The following PELI2 variants were observed in gnomAD, a reference collection of about 807,000 sequenced individuals.
PELI2 encodes E3 ubiquitin-protein ligase pellino homolog 2.
In PELI2, 23 loss-of-function variants were observed where a neutral mutation model predicts 42.3. The observed-to-expected ratio is 0.54, with a 90% confidence interval of 0.39 to 0.77. The LOEUF is 0.77. Ranked by LOEUF, PELI2 falls within the 30% of genes least tolerant of loss-of-function variation. PELI2 has a pLI of 0.00. For missense variants in PELI2, 463 were observed against 553.2 expected, an observed-to-expected ratio of 0.84 and a Z score of 1.64; for synonymous variants, 245 against 212.2, an observed-to-expected ratio of 1.15 and a Z score of -1.34.
chr14:56,194,974 G>A lies in PELI2; in HGVS notation c.207+16510G>A, dbSNP rs1181622563. Among the ~76,000 whole-genome samples the A allele has an allele frequency of 4.6e-5, 7 of 152,336 alleles. No individual in the cohort carries two copies. In the South Asian group the frequency reaches 1.5e-3, roughly 32 times the overall value. ...ATTAAAGTATCCTATTATTCACTGT[G>A]TGTAATGATGACCCTAATGAATGTG... On this transcript the variant is annotated intron_variant, in intron 2 of 5. Coordinates refer to ENST00000267460, the MANE Select transcript of PELI2 (RefSeq NM_021255.3).
chr14:56,156,695 A>G (rs529659457), intron 1 of PELI2, among the ~76,000 whole-genome samples: 4 of 152,358 alleles, frequency 2.6e-5, no homozygotes, highest in South Asian at 4.1e-4. Context: ...CACTTGAAGT[A>G]TGGCTAGTAT....
intron 2 of PELI2, among the ~76,000 whole-genome samples, chr14:56,247,650 G>A (rs760958383): frequency 2.6e-5 from 4 of 152,108 alleles, no homozygotes; most frequent in Admixed American, 6.5e-5. Context: ...TGAAAATCAT[G>A]GATTAACACA....
chr14:56,157,425 A>T (rs1317952274), intron 1 of PELI2, among the ~76,000 whole-genome samples: 2 of 152,218 alleles, frequency 1.3e-5, no homozygotes, highest in African/African-American at 2.4e-5. Context: ...GAAAAGTCTT[A>T]TGAAGGGGAT....
In PELI2 at chr14:56,224,745, G is replaced by T. The variant is rs11158083; in HGVS notation, c.207+46281G>T. The stretch of plus-strand genomic sequence containing the variant: ...GGAAATGTTTTGCTACATTTTTGCA[G>T]GGCTTGTTGTATTTTAACAAGGTAA... On this transcript the variant is annotated intron_variant, in intron 2 of 5. Coordinates refer to ENST00000267460, the MANE Select transcript of PELI2 (RefSeq NM_021255.3). Among the ~76,000 whole-genome samples, 7 of 152,040 alleles carry T rather than the reference G, an allele frequency of 4.6e-5. No individual in the cohort carries two copies. In the South Asian group the frequency reaches 6.2e-4, roughly 14 times the overall value.
chr14:56,175,037 C>T (rs893604026), intron 1 of PELI2, among the ~76,000 whole-genome samples: 4 of 152,032 alleles, frequency 2.6e-5, no homozygotes, highest in Non-Finnish European at 4.4e-5. Context: ...GCTTTGTCAC[C>T]CAGGCTGGAG....
chr14:56,119,758 T>G, intron 1 of PELI2: 1 of 979,324 alleles, frequency 1.0e-6, no homozygotes, highest in African/African-American at 1.7e-5. Context: ...GGTTTAGTGT[T>G]GAAGAAAGGA....
chr14:56,259,239 G>A (rs1341541861), intron 2 of PELI2, among the ~76,000 whole-genome samples: 4 of 152,042 alleles, frequency 2.6e-5, no homozygotes, highest in Non-Finnish European at 2.9e-5. Context: ...TCAGGCAGAA[G>A]GAGAAAACAA....
chr14:56,257,009 A>G (rs1888548996), intron 2 of PELI2, among the ~76,000 whole-genome samples: 1 of 152,198 alleles, frequency 6.6e-6, no homozygotes. Context: ...TCTTTTCAAT[A>G]TGAATTTTAA....
At chr14:56,245,001 A>T (rs1888101248) in intron 2 of PELI2, among the ~76,000 whole-genome samples, 1 of 152,246 alleles carries the variant, frequency 6.6e-6, no homozygotes, top group Non-Finnish European at 1.5e-5. Flanking sequence ...TCATCAAGGA[A>T]GCATAAATGT....
intron 2 of PELI2, among the ~76,000 whole-genome samples, chr14:56,248,064 A>G (rs1194957681): frequency 2.0e-5 from 3 of 152,224 alleles, no homozygotes; most frequent in African/African-American, 7.2e-5. Flanking sequence ...TCCAGTGTTG[A>G]TGCTCCATTT....
Position 56,279,288 on chromosome 14 carries a change from G to A in PELI2, c.208-388G>A, listed in dbSNP as rs540060392. Among the ~76,000 whole-genome samples, 27 of 152,260 alleles carry A rather than the reference G, an allele frequency of 1.8e-4. No individual in the cohort carries two copies. The Middle Eastern group carries it at 0.01, about 58-fold the overall frequency. On this transcript the variant is annotated intron_variant, in intron 2 of 5. Transcript: ENST00000267460. The stretch of plus-strand genomic sequence containing the variant: ...TATCACCTAGGAAAAATAATAATAT[G>A]TGACTTATCTGTTGTGTGAAATCTT...
intron 2 of PELI2, among the ~76,000 whole-genome samples, chr14:56,190,154 A>T (rs925052798): frequency 6.6e-6 from 1 of 152,230 alleles, no homozygotes; most frequent in African/African-American, 2.4e-5. Flanking sequence ...GTAGTACTTG[A>T]TTGAAATCAT....
chr14:56,256,893 G>T (rs748929389), intron 2 of PELI2, among the ~76,000 whole-genome samples: 2 of 152,138 alleles, frequency 1.3e-5, no homozygotes, highest in Admixed American at 6.5e-5. Flanking sequence ...ATTCATATTA[G>T]TGTGTGCTAC....
intron 2 of PELI2, among the ~76,000 whole-genome samples, chr14:56,258,501 G>T (rs1212266522): frequency 1.3e-5 from 2 of 152,080 alleles, no homozygotes; most frequent in East Asian, 3.8e-4. Context: ...AAAGGGAAAT[G>T]TGCATGTTGA....
At chr14:56,213,368 A>T (rs1245788514) in intron 2 of PELI2, among the ~76,000 whole-genome samples, 1 of 152,236 alleles carries the variant, frequency 6.6e-6, no homozygotes, top group African/African-American at 2.4e-5. Flanking sequence ...AAGGAGATCC[A>T]GAAGGGAATT....
At chr14:56,286,592 T>C (rs1335546580) in intron 3 of PELI2, among the ~76,000 whole-genome samples, 3 of 152,248 alleles carry the variant, frequency 2.0e-5, no homozygotes, top group African/African-American at 7.2e-5. Context: ...GAATATCAGA[T>C]GAAATTCAAA....
intron 1 of PELI2, among the ~76,000 whole-genome samples, chr14:56,152,782 A>C (rs535426978): frequency 6.6e-6 from 1 of 152,224 alleles, no homozygotes; most frequent in Non-Finnish European, 1.5e-5. Flanking sequence ...CTTATAGTAG[A>C]TATATTTGTA....
chr14:56,255,675 A>G (rs2139823946), intron 2 of PELI2, among the ~76,000 whole-genome samples: 2 of 152,306 alleles, frequency 1.3e-5, no homozygotes, highest in Middle Eastern at 3.4e-3. Flanking sequence ...GGACCACAGC[A>G]GATTGTATAG....
chr14:56,179,525 A>C (rs906581431), intron 2 of PELI2, among the ~76,000 whole-genome samples: 9 of 152,234 alleles, frequency 5.9e-5, no homozygotes, highest in Non-Finnish European at 1.2e-4. Flanking sequence ...AGTAGATAAG[A>C]AAATATCAAA....
Sources: gnomAD v4.1 joint callset for allele counts (sites outside exome capture counted in the v4.1 genomes callset) on GRCh38, gnomAD v4.1.1 for gene constraint, MANE v1.5 for transcripts, NCBI Gene and HGNC (gene_info 2026-07-23, HGNC 2026-07-21) for gene names.